The following ARHGAP32 variants were observed in gnomAD, a reference collection of about 807,000 sequenced individuals.
ARHGAP32 encodes the protein Rho GTPase activating protein 32, also known as rho GTPase-activating protein 32.
ARHGAP32 carries 51 observed loss-of-function variants against 186.5 expected under a neutral mutation model. The observed-to-expected ratio is 0.27, with a 90% CI of 0.22 to 0.35. The LOEUF (loss-of-function observed/expected upper bound fraction) is 0.35. Among genes scored for constraint, ARHGAP32 ranks in the 10% least tolerant of loss-of-function variants. The pLI is 1.00. For synonymous variants in ARHGAP32, 950 were observed against 964.3 expected (o/e 0.99, Z 0.27); for missense variants, 2,186 against 2,623.5 (o/e 0.83, Z 3.64).
At chr11:129,182,878 C>G (rs755869630) in intron 1 of ARHGAP32, among the ~76,000 whole-genome samples, 15 of 151,900 alleles carry the variant, frequency 9.9e-5, no homozygotes, top group Admixed American at 2.0e-4. Context: ...AAACTCCTGG[C>G]CTCAAGGGAT....
chr11:128,973,102 A>G lies in ARHGAP32; in HGVS notation c.3404T>C (p.Leu1135Pro). The change falls in exon 22 of 23, where the codon CTA (leucine) becomes CCA (proline). Residue 1135 changes from leucine (L) to proline (P), a missense_variant. By Grantham distance (98) the Leu-to-Pro change is moderately conservative. Around this residue, in one of 5 missense-constraint regions of ARHGAP32, gnomAD observed 1,502 missense variants for 1,570.0 expected, o/e 0.96. Coordinates refer to ENST00000682385, the MANE Select transcript of ARHGAP32 (RefSeq NM_001378024.1). The part of the protein sequence containing the change: ...NNAPGNCDHP[L>P]PETTATGDPT... The stretch of plus-strand genomic sequence containing the variant: ...ATCCCCAGTAGCTGTTGTCTCTGGT[A>G]GAGGATGGTCACAGTTTCCTGGTGC... 6.2e-7 allele frequency: 1 copy of G among 1,614,160 alleles called. No homozygotes were observed. The highest frequency in any genetic ancestry group is 2.2e-5 in the East Asian group (1 of 44,870).
At chr11:129,190,497 T>A (rs1393262730) in intron 1 of ARHGAP32, among the ~76,000 whole-genome samples, 1 of 152,134 alleles carries the variant, frequency 6.6e-6, no homozygotes, top group Non-Finnish European at 1.5e-5. Context: ...AAACAACACA[T>A]CACTAGCTCA....
At chr11:129,083,552 C>T (rs1941288951) in intron 6 of ARHGAP32, among the ~76,000 whole-genome samples, 1 of 152,150 alleles carries the variant, frequency 6.6e-6, no homozygotes, top group East Asian at 1.9e-4. Flanking sequence ...ATACAATGGA[C>T]TTTGGGGACT....
chr11:129,025,338 T>C (rs910389553), intron 11 of ARHGAP32, among the ~76,000 whole-genome samples: 2 of 152,198 alleles, frequency 1.3e-5, no homozygotes, highest in Non-Finnish European at 2.9e-5. Context: ...TCTTTGAACA[T>C]AGCTCTGAAC....
chr11:129,140,980 T>C (rs1440913650), intron 2 of ARHGAP32, among the ~76,000 whole-genome samples: 1 of 152,210 alleles, frequency 6.6e-6, no homozygotes, highest in East Asian at 1.9e-4. Context: ...TCAGAGATAT[T>C]TTCCTTCCAG....
intron 5 of ARHGAP32, among the ~76,000 whole-genome samples, chr11:129,109,629 A>G (rs1389040961): frequency 6.6e-6 from 1 of 152,088 alleles, no homozygotes; most frequent in Non-Finnish European, 1.5e-5. Context: ...CAGGAGTAAG[A>G]TAATATAACT....
At chr11:128,985,191 T>A (rs573218692) in intron 15 of ARHGAP32, among the ~76,000 whole-genome samples, 1 of 152,290 alleles carries the variant, frequency 6.6e-6, no homozygotes, top group East Asian at 1.9e-4. Flanking sequence ...GCTAATTTTG[T>A]AGTTTTAGTA....
chr11:129,116,632 T>G (rs755211911), intron 5 of ARHGAP32, among the ~76,000 whole-genome samples: 2 of 152,034 alleles, frequency 1.3e-5, no homozygotes, highest in Non-Finnish European at 2.9e-5. Context: ...ACTGAAAATA[T>G]GTACAAGTTA....
rs559534508 is a variant in ARHGAP32, at chr11:129,244,751, GA to G, written c.-5+34394del. On this transcript the variant is annotated intron_variant, in intron 1 of 6. Transcript: ENST00000525234. ...ACAATGAACTCAAACAAATTTACAA[GA>G]AAAAAAACAAACAACCCCATCAAAA... Among the ~76,000 whole-genome samples the G allele has an allele frequency of 8.0e-3, 1,206 of 149,914 alleles. 10 individuals carry two copies. The highest frequency in any genetic ancestry group is 0.012 in the Non-Finnish European group (828 of 67,406).
At chr11:129,108,941 C>T (rs569343195) in intron 5 of ARHGAP32, among the ~76,000 whole-genome samples, 7 of 152,236 alleles carry the variant, frequency 4.6e-5, no homozygotes, top group South Asian at 2.1e-4. Context: ...ATCTCTCTTT[C>T]GGCTACTTTG....
At chr11:129,173,510 C>T (rs1029947462) in intron 1 of ARHGAP32, among the ~76,000 whole-genome samples, 1 of 152,070 alleles carries the variant, frequency 6.6e-6, no homozygotes, top group Non-Finnish European at 1.5e-5. Flanking sequence ...GAAAGAAACA[C>T]AACCAAAAAA....
Position 129,177,001 on chromosome 11 carries a change from G to A in ARHGAP32, c.117-12574C>T, listed in dbSNP as rs897884487. 2.0e-5 allele frequency among the ~76,000 whole-genome samples: 3 copies of A among 150,132 alleles called. No individual in the cohort carries two copies. The Admixed American group carries it at 2.0e-4, about 10-fold the overall frequency. ...CAAAAAATTAATGAATCCAGGAGCT[G>A]GTTTTTTGAAAGGATCAACAAAATG... is the stretch of plus-strand genomic sequence containing the variant. On this transcript the variant is annotated intron_variant, in intron 1 of 22. Transcript: ENST00000682385.
chr11:128,987,920 T>G (rs1945925529), intron 13 of ARHGAP32, 103 bp downstream of exon 13: 1 of 769,376 alleles, frequency 1.3e-6, no homozygotes, highest in Non-Finnish European at 2.1e-6. Flanking sequence ...TTATCTAAAT[T>G]ATCTTTAATG....
chr11:129,196,291 C>T (rs1944389139), upstream of ARHGAP32, among the ~76,000 whole-genome samples: 1 of 152,132 alleles, frequency 6.6e-6, no homozygotes, highest in Admixed American at 6.5e-5. Context: ...ATGAATTCAA[C>T]CTCTTGGTTG....
At chr11:129,132,677 T>C (rs1354779938) in intron 2 of ARHGAP32, among the ~76,000 whole-genome samples, 3 of 152,146 alleles carry the variant, frequency 2.0e-5, no homozygotes, top group South Asian at 2.1e-4. Flanking sequence ...AGAATGTCCA[T>C]GACATAATTA....
chr11:128,996,577 T>C (rs1413478646), intron 12 of ARHGAP32, among the ~76,000 whole-genome samples: 1 of 152,198 alleles, frequency 6.6e-6, no homozygotes, highest in African/African-American at 2.4e-5. Context: ...GAAGTTTATA[T>C]TCAGTATGAT....
At chr11:129,065,029 CT>C in intron 7 of ARHGAP32, 96 bp from the exon 8 acceptor site, 1 of 983,284 alleles carries the variant, frequency 1.0e-6, no homozygotes, top group Non-Finnish European at 1.5e-6. Context: ...ATCTATAGAT[CT>C]TTAGGCATTT....
intron 12 of ARHGAP32, among the ~76,000 whole-genome samples, chr11:128,995,102 T>C (rs1260465377): frequency 6.6e-6 from 1 of 152,244 alleles, no homozygotes; most frequent in Non-Finnish European, 1.5e-5. Flanking sequence ...CTCTAATACT[T>C]TAATTATATT....
chr11:129,160,194 GA>G (rs1391229449), intron 2 of ARHGAP32, among the ~76,000 whole-genome samples: 1 of 152,080 alleles, frequency 6.6e-6, no homozygotes, highest in Non-Finnish European at 1.5e-5. Context: ...ATCAGCACAA[GA>G]CAAGGATGCC....
Sources: allele counts gnomAD v4.1 joint callset (sites outside exome capture counted in the v4.1 genomes callset), GRCh38; gene constraint gnomAD v4.1.1; regional missense constraint gnomAD v4.1.1; transcripts MANE v1.5; gene names NCBI Gene and HGNC (gene_info 2026-07-23, HGNC 2026-07-21).